CRB1: variants seen among roughly 807,000 people sequenced by gnomAD.
CRB1 encodes crumbs cell polarity complex component 1, also known as protein crumbs homolog 1.
CRB1 carries 83 observed loss-of-function variants against 120.0 expected under a neutral mutation model. The ratio of observed to expected loss-of-function variants is 0.69; its 90% CI spans 0.58 to 0.83. The LOEUF is 0.83. Among genes scored for constraint, CRB1 ranks in the 40% least tolerant of loss-of-function variants. CRB1 has a pLI of 0.00. For synonymous variants in CRB1, 625 were observed against 612.5 expected (o/e 1.02, Z -0.30); for missense variants, 1,699 against 1,687.6 (o/e 1.01, Z -0.12).
rs373835764 is a variant in CRB1 at position 197,421,945 on chromosome 1, A to G, written c.2117A>G (p.Asn706Ser). Residue 706 changes from asparagine to serine, a missense_variant, in exon 6 of 12, where the codon AAC (asparagine) becomes AGC (serine). Coordinates refer to ENST00000367400, the MANE Select transcript of CRB1 (RefSeq NM_201253.3). Reference protein sequence around the residue: ...CDCHRPYEGPNCLREYVAGRF... With the variant: ...CDCHRPYEGPSCLREYVAGRF... ...TGCCACAGGCCCTATGAAGGCCCCA[A>G]CTGTCTGAGAGGTGAGAGAAAGCTG... 6 of 1,613,774 alleles carry G rather than the reference A, an allele frequency of 3.7e-6. No homozygotes were observed. The South Asian group carries it at 5.5e-5, about 15-fold the overall frequency.
the CRB1 span, among the ~76,000 whole-genome samples, chr1:197,247,949 A>G: frequency 6.6e-6 from 1 of 152,076 alleles, no homozygotes; most frequent in Non-Finnish European, 1.5e-5. Context: ...AAACATAGAT[A>G]TAGTATACTC....
intron 5 of CRB1, among the ~76,000 whole-genome samples, chr1:197,377,001 A>C (rs904703149): frequency 1.6e-4 from 25 of 152,008 alleles, no homozygotes; most frequent in African/African-American, 5.6e-4. Flanking sequence ...TTTTCCCTTT[A>C]CCTAAAAGAC....
At position 197,456,484 on chromosome 1, in the gene CRB1, C is replaced by T. The variant is rs142642674; in HGVS notation, c.4005+14192C>T. Among the ~76,000 whole-genome samples, 997 of 152,154 alleles carry T rather than the reference C, an allele frequency of 6.6e-3. 17 individuals carry two copies. Among genetic ancestry groups the T allele is most frequent in the African/African-American group, 0.023 (962 of 41,524 alleles). ...TAGTATATAGTAAGTACAAAATTGTCCCATTTCCCTTTCAAATTTACAGGA... is the reference window on the plus strand; with the variant it reads ...TAGTATATAGTAAGTACAAAATTGTTCCATTTCCCTTTCAAATTTACAGGA... On this transcript the variant is annotated intron_variant, in intron 11 of 11. Transcript: ENST00000367400.
the CRB1 span, among the ~76,000 whole-genome samples, chr1:197,221,486 G>GT: frequency 6.6e-6 from 1 of 152,168 alleles, no homozygotes; most frequent in Non-Finnish European, 1.5e-5. Flanking sequence ...TGTGCTCAGT[G>GT]TTTCAGTTCT....
intron 11 of CRB1, among the ~76,000 whole-genome samples, chr1:197,452,973 G>A (rs1016940783): frequency 6.6e-6 from 1 of 151,998 alleles, no homozygotes; most frequent in African/African-American, 2.4e-5. Context: ...CCAATAGATG[G>A]AAACAGGCTA....
intron 5 of CRB1, chr1:197,363,811 A>C (rs1159705829): frequency 9.0e-6 from 7 of 775,388 alleles, no homozygotes; most frequent in South Asian, 8.4e-5. Context: ...ATTTAAACCC[A>C]AGTTCATGGC....
In CRB1 at chr1:197,328,731, A is replaced by G. The variant is rs752917560; in HGVS notation, c.380A>G (p.Gln127Arg). The change falls in exon 2 of 12, where the codon CAG becomes CGG. Residue 127 changes from glutamine to arginine, a missense_variant. Physicochemically the swap from Gln to Arg is conservative, Grantham distance 43. Transcript: ENST00000367400. ...TGCCAACATGGAGGTATTTGCCATC[A>G]GGACCCTATTTATCCTGTCTGCATC... ...NSCQHGGICH[Q>R]DPIYPVCICP... 44 of 1,611,970 alleles carry G rather than the reference A, an allele frequency of 2.7e-5. No homozygotes were observed. The highest frequency in any genetic ancestry group is 3.6e-5 in the Non-Finnish European group (42 of 1,178,542).
Position 197,438,541 on chromosome 1 carries a change from C to T in CRB1, c.3750-6C>T. 1.2e-6 allele frequency: 2 copies of T among 1,611,856 alleles called. No individual in the cohort carries two copies. The highest frequency in any genetic ancestry group is 1.7e-6 in the Non-Finnish European group (2 of 1,178,390). On this transcript the variant is annotated splice_region_variant and splice_polypyrimidine_tract_variant and intron_variant, in intron 9 of 11. Coordinates refer to ENST00000367400, the MANE Select transcript of CRB1 (RefSeq NM_201253.3). Reference sequence around the variant, plus strand: ...ACAGCTGTGGCTCTTGCTTTTATCTCTCTAGACAGAGCAGATTACCCTCAA... The same window carrying T: ...ACAGCTGTGGCTCTTGCTTTTATCTTTCTAGACAGAGCAGATTACCCTCAA...
At position 197,347,360 on chromosome 1, in the gene CRB1, G is replaced by A. The variant is rs371751359; in HGVS notation, c.869G>A (p.Gly290Asp). Residue 290 changes from glycine to aspartate, a missense_variant, in exon 4 of 12, where the codon GGT becomes GAT. Transcript: ENST00000367400. ...GENRYSCNCT[G>D]SGFTGTHCET... ...TCCAGATATAGCTGTAACTGCACGG[G>A]TAGTGGATTCACAGGGACACACTGT... 24 of 1,613,756 alleles carry A rather than the reference G, an allele frequency of 1.5e-5. No homozygotes were observed. Among genetic ancestry groups the A allele is most frequent in the Non-Finnish European group, 1.9e-5 (23 of 1,179,796 alleles).
At chr1:197,301,629 A>T (rs535614556) in intron 1 of CRB1, among the ~76,000 whole-genome samples, 1 of 152,194 alleles carries the variant, frequency 6.6e-6, no homozygotes, top group African/African-American at 2.4e-5. Context: ...TGCAGTAGGT[A>T]GCATGGTAGT....
At chr1:197,447,121 C>G (rs1402898473) in intron 11 of CRB1, among the ~76,000 whole-genome samples, 2 of 152,172 alleles carry the variant, frequency 1.3e-5, no homozygotes, top group East Asian at 3.9e-4. Context: ...TTAACTAGGT[C>G]CTCTGCTCAG....
rs1416725337 is a variant in CRB1 at position 197,390,193 on chromosome 1, G to A, written c.1172-30807G>A. Among the ~76,000 whole-genome samples the A allele has an allele frequency of 1.3e-4, 19 of 142,306 alleles. No homozygotes were observed. The East Asian group carries it at 3.1e-3, about 23-fold the overall frequency. The allele number at this position is 142,306 out of a possible 152,430, so 93.4% of individuals were successfully genotyped here. On this transcript the variant is annotated intron_variant, in intron 5 of 11. Transcript: ENST00000367400. ...GGGGTGTTTGTGTGGGGGGGAGGGG[G>A]TGGGGCGGGAAATATACCAGATATA...
chr1:197,455,453 C>T lies in CRB1; in HGVS notation c.4005+13161C>T, dbSNP rs76135505. On this transcript the variant is annotated intron_variant, in intron 11 of 11. Transcript: ENST00000367400. ...GCCAGTATGCACCCAGATACCATGC[C>T]GTTGTCTTGTTTAACATGACATGAA... 6.6e-5 allele frequency among the ~76,000 whole-genome samples: 10 copies of T among 152,216 alleles called. No individual in the cohort carries two copies. In the East Asian group the frequency reaches 7.7e-4, roughly 12 times the overall value.
At chr1:197,286,472 A>G (rs1390498801) in intron 1 of CRB1, among the ~76,000 whole-genome samples, 1 of 151,948 alleles carries the variant, frequency 6.6e-6, no homozygotes, top group African/African-American at 2.4e-5. Context: ...ATAGGTCTTG[A>G]TAACCATAGA....
chr1:197,292,237 T>G (rs572937451), intron 1 of CRB1, among the ~76,000 whole-genome samples: 2 of 151,966 alleles, frequency 1.3e-5, no homozygotes, highest in Non-Finnish European at 2.9e-5. Context: ...AAAGGGGATA[T>G]CACCACCAAT....
At chr1:197,217,119 C>T in the CRB1 span, among the ~76,000 whole-genome samples, 9,331 of 151,856 alleles carry the variant, frequency 0.061, 970 homozygotes, top group African/African-American at 0.21. Context: ...TGCCAATAAA[C>T]GCATGAAAAG....
chr1:197,408,331 T>C (rs1234851028), intron 5 of CRB1, among the ~76,000 whole-genome samples: 1 of 152,044 alleles, frequency 6.6e-6, no homozygotes. Context: ...AGTTGGGATT[T>C]TGAAAAAACG....
intron 6 of CRB1, among the ~76,000 whole-genome samples, chr1:197,423,406 C>G (rs1367678724): frequency 2.0e-5 from 3 of 152,140 alleles, no homozygotes; most frequent in African/African-American, 7.2e-5. Flanking sequence ...ACTGCTTAAC[C>G]CTCAAGAAAA....
chr1:197,206,066 A>G, the CRB1 span, among the ~76,000 whole-genome samples: 4 of 152,128 alleles, frequency 2.6e-5, no homozygotes, highest in South Asian at 2.1e-4. Context: ...GTAGCCTTCA[A>G]TGATCTTTTG....
Sources: allele counts gnomAD v4.1 joint callset (sites outside exome capture counted in the v4.1 genomes callset), GRCh38; gene constraint gnomAD v4.1.1; transcripts MANE v1.5; gene names NCBI Gene and HGNC (gene_info 2026-07-23, HGNC 2026-07-21).